Variants in CAMTA2 observed in about 807,000 individuals in gnomAD.
The protein encoded by CAMTA2 is calmodulin-binding transcription activator 2.
CAMTA2 carries 56 observed loss-of-function variants against 135.7 expected under a neutral mutation model. That is an observed-to-expected ratio of 0.41 (90% CI 0.33 to 0.52). CAMTA2 has a LOEUF of 0.52. CAMTA2 is among the 20% of genes least tolerant of loss of function. The pLI, the probability that CAMTA2 is intolerant of heterozygous loss-of-function variation, is 0.16. For missense variants in CAMTA2, 1,358 were observed against 1,553.4 expected, an observed-to-expected ratio of 0.87 and a Z score of 2.11; for synonymous variants, 591 against 604.6, an observed-to-expected ratio of 0.98 and a Z score of 0.33.
chr17:4,969,197 C>A lies in CAMTA2; in HGVS notation c.3423G>T (p.Arg1141Ser). The part of the protein sequence containing the change: ...IQQHYRSYRR[R>S]PGPPHRTSAT... ...CCGAAGTCCGGTGGGGAGGGCCGGG[C>A]CTGCGGCGGTAGGAGCGGTAGTGCT... The change falls in exon 21 of 23, where the codon AGG becomes AGT. Residue 1141 changes from arginine to serine, a missense_variant. By Grantham distance (110) the Arg-to-Ser change is moderately radical (BLOSUM62 -1). This residue lies in a region of CAMTA2 where 167 missense variants were observed against 207.0 expected (regional missense o/e 0.81). Coordinates refer to ENST00000348066, the MANE Select transcript of CAMTA2 (RefSeq NM_015099.4). This position sits in a 1 kb window ranked among gnomAD's most constrained non-coding sequence, Gnocchi z 5.6. 1 of 1,611,708 alleles carries A rather than the reference C, an allele frequency of 6.2e-7. No individual in the cohort carries two copies. The highest frequency in any genetic ancestry group is 1.1e-5 in the South Asian group (1 of 90,998).
Position 4,972,124 on chromosome 17 carries a change from T to C in CAMTA2, c.2808+108A>G, listed in dbSNP as rs558610659. 4 of 917,370 alleles carry C rather than the reference T, an allele frequency of 4.4e-6. No individual in the cohort carries two copies. In the African/African-American group the frequency reaches 6.6e-5, roughly 15 times the overall value. 56.8% of individuals were successfully genotyped at this position (917,370 alleles called of 1,614,324 possible). ...CTTGCCTGTCCCAAAATGAAGTAAATAGGCCCTTCCTAAACTGAAGCCAGA... is the reference window on the plus strand; with the variant it reads ...CTTGCCTGTCCCAAAATGAAGTAAACAGGCCCTTCCTAAACTGAAGCCAGA... On this transcript the variant is annotated intron_variant, in intron 16 of 22. Transcript: ENST00000348066.
rs1220015859 is a variant in CAMTA2, at chr17:4,970,069, G to C, written c.3022C>G (p.Arg1008Gly). Residue 1008 changes from arginine to glycine, a missense_variant, in exon 18 of 23, where the codon CGA becomes GGA. Around this residue, in one of 4 missense-constraint regions of CAMTA2, gnomAD observed 1,077 missense variants for 1,127.5 expected, o/e 0.96. Transcript: ENST00000348066. ...STPPSELPFE[R>G]GRLAVPSAPS... The stretch of plus-strand genomic sequence containing the variant: ...GCTGAAGGGACAGCCAGGCGACCTC[G>C]CTCAAAGGGCAGTTCGCTGTAGGCG... The C allele has an allele frequency of 1.2e-6, 2 of 1,613,956 alleles. No homozygotes were observed. The highest frequency in any genetic ancestry group is 8.5e-7 in the Non-Finnish European group (1 of 1,179,990).
intron 11 of CAMTA2, 96 bp downstream of exon 11, chr17:4,976,962 C>A: frequency 8.4e-7 from 1 of 1,194,494 alleles, no homozygotes; most frequent in South Asian, 1.7e-5. Flanking sequence ...AAAGTGGGGG[C>A]TCAGTGATGG....
Position 4,980,593 on chromosome 17 carries a change from G to A in CAMTA2, c.729C>T (p.Ser243=), listed in dbSNP as rs151218090. 1,258 of 1,614,060 alleles carry A rather than the reference G, an allele frequency of 7.8e-4. 7 individuals carry two copies. Among genetic ancestry groups the A allele is most frequent in the Non-Finnish European group, 9.3e-4 (1,100 of 1,179,976 alleles). The change falls in exon 9 of 23, where the codon AGC becomes AGT. Residue 243 remains serine (S), a synonymous_variant. Transcript: ENST00000348066. This position sits in a 1 kb window ranked among gnomAD's most constrained non-coding sequence, Gnocchi z 5.3. Reference sequence around the variant, plus strand: ...GAGAGATGATGCGGTGTTTCGTGCTGCTGCATTTGTGGGTAAGGCTCCCAG... The same window carrying A: ...GAGAGATGATGCGGTGTTTCGTGCTACTGCATTTGTGGGTAAGGCTCCCAG... The part of the protein sequence containing the change: ...LGSGSLTHKC[S]STKHRIISPK...
chr17:4,982,367 A>G (rs1196880103), intron 5 of CAMTA2: 4 of 595,664 alleles, frequency 6.7e-6, no homozygotes, highest in Non-Finnish European at 1.2e-5. Context: ...TATAGTGAGG[A>G]CCAGATTTGA....
At chr17:4,987,231 C>T (rs1892858617) in intron 1 of CAMTA2, 1 of 1,340,764 alleles carries the variant, frequency 7.5e-7, no homozygotes. Flanking sequence ...GCTTGGCACT[C>T]TGGGCGGCCC....
chr17:4,987,512 C>G, intron 1 of CAMTA2, 81 bp downstream of exon 1: 2 of 1,426,632 alleles, frequency 1.4e-6, no homozygotes, highest in Non-Finnish European at 1.8e-6. Context: ...GTCCCTGGCG[C>G]GGCGCTCCGC....
chr17:4,982,567 G>A (rs1277099633), intron 5 of CAMTA2, among the ~76,000 whole-genome samples, 190 bp downstream of exon 5: 2 of 152,254 alleles, frequency 1.3e-5, no homozygotes, highest in Non-Finnish European at 2.9e-5. Context: ...GGATAGTTGA[G>A]TCACGGAGGG....
In CAMTA2 at chr17:4,980,575, G is replaced by T. The variant is rs143524970; in HGVS notation, c.747C>A (p.Ile249=). The change falls in exon 9 of 23, where the codon ATC becomes ATA. Residue 249 remains isoleucine (I), a synonymous_variant. Coordinates refer to ENST00000348066, the MANE Select transcript of CAMTA2 (RefSeq NM_015099.4). This position sits in a 1 kb window ranked among gnomAD's most constrained non-coding sequence, Gnocchi z 5.3. ...THKCSSTKHR[I]ISPKVEPRAL... is the part of the protein sequence containing the mutation. ...CTCGGGGCTCCACTTTGGGAGAGAT[G>T]ATGCGGTGTTTCGTGCTGCTGCATT... 8 of 1,613,918 alleles carry T rather than the reference G, an allele frequency of 5.0e-6. No individual in the cohort carries two copies. In the African/African-American group the frequency reaches 9.4e-5, roughly 19 times the overall value.
intron 1 of CAMTA2, chr17:4,986,982 GC>G (rs1218492037): frequency 4.1e-6 from 6 of 1,473,494 alleles, no homozygotes; most frequent in African/African-American, 1.4e-5. Flanking sequence ...TCCAGCCTGA[GC>G]CCCCCGCCCT....
At chr17:4,971,243 C>G (rs955112355) in intron 16 of CAMTA2, among the ~76,000 whole-genome samples, 1 of 152,172 alleles carries the variant, frequency 6.6e-6, no homozygotes, top group Non-Finnish European at 1.5e-5. Context: ...CCAGCCTTAC[C>G]TCTCCACACA....
intron 1 of CAMTA2, chr17:4,986,638 G>A (rs1597788741): frequency 5.7e-6 from 3 of 522,728 alleles, no homozygotes; most frequent in South Asian, 2.4e-5. Context: ...CAGGCCATCC[G>A]GTCCTTGGAG....
At chr17:4,981,934 CA>C in intron 6 of CAMTA2, 103 bp from the exon 7 acceptor site, 1 of 1,331,282 alleles carries the variant, frequency 7.5e-7, no homozygotes, top group Admixed American at 2.1e-5. Context: ...ACCTCGCCCC[CA>C]ATTTCTGACT....
Position 4,982,752 on chromosome 17 carries a change from C to T in CAMTA2, c.339+5G>A. The stretch of plus-strand genomic sequence containing the variant: ...GAAGATGAGCTGAATATCTGACTCT[C>T]TTACCTCCATGCCCTGGACCTTCAG... On this transcript the variant is annotated splice_donor_5th_base_variant and intron_variant, in intron 5 of 22. Coordinates refer to ENST00000348066, the MANE Select transcript of CAMTA2 (RefSeq NM_015099.4). 8.1e-6 allele frequency: 13 copies of T among 1,613,892 alleles called. No homozygotes were observed. Among genetic ancestry groups the T allele is most frequent in the Non-Finnish European group, 1.1e-5 (13 of 1,179,850 alleles).
intron 1 of CAMTA2, chr17:4,986,877 T>C (rs956112346): frequency 8.4e-6 from 10 of 1,187,244 alleles, no homozygotes; most frequent in African/African-American, 1.5e-5. Flanking sequence ...CAACCCACCC[T>C]CCGGCTGACA....
At chr17:4,986,778 C>A (rs1306056541) in intron 1 of CAMTA2, 2 of 587,320 alleles carry the variant, frequency 3.4e-6, no homozygotes, top group Admixed American at 3.1e-5. Context: ...AAGGGCAGAT[C>A]TGATAACTGA....
intron 11 of CAMTA2, among the ~76,000 whole-genome samples, chr17:4,976,772 C>T (rs985457235): frequency 6.7e-6 from 1 of 150,280 alleles, no homozygotes; most frequent in Admixed American, 6.6e-5. Flanking sequence ...TTGCTCTAGA[C>T]CCTGTCCCTG....
Position 4,980,002 on chromosome 17 carries a change from G to C in CAMTA2, c.1320C>G (p.Asn440Lys). 6.2e-7 allele frequency: 1 copy of C among 1,613,688 alleles called. No individual in the cohort carries two copies. Among genetic ancestry groups the C allele is most frequent in the Non-Finnish European group, 8.5e-7 (1 of 1,179,980 alleles). The change falls in exon 9 of 23, where the codon AAC (asparagine) becomes AAG (lysine). Residue 440 changes from asparagine (N) to lysine (K), a missense_variant. Coordinates refer to ENST00000348066, the MANE Select transcript of CAMTA2 (RefSeq NM_015099.4). The surrounding 1 kb of genome is among the most constrained non-coding windows in gnomAD (Gnocchi z 5.3). ...PQSVAGGRRG[N>K]CFFIQDDDSG... is the part of the protein sequence containing the mutation. Reference sequence around the variant, plus strand: ...TGTCATCATCTTGGATGAAGAAGCAGTTTCCTCTTCTCCCACCTGCTACTG... The same window carrying C: ...TGTCATCATCTTGGATGAAGAAGCACTTTCCTCTTCTCCCACCTGCTACTG...
Position 4,986,919 on chromosome 17 carries a change from G to C in CAMTA2, c.-64-633C>G, listed in dbSNP as rs748367911. 5 of 1,490,856 alleles carry C rather than the reference G, an allele frequency of 3.4e-6. No individual in the cohort carries two copies. The South Asian group carries it at 6.0e-5, about 18-fold the overall frequency. 92.4% of individuals were successfully genotyped at this position (1,490,856 alleles called of 1,614,324 possible). A position where few individuals can be genotyped will look rare whatever the true frequency, so the allele number is the denominator to read the frequency against. On this transcript the variant is annotated intron_variant, in intron 1 of 22. Coordinates refer to ENST00000348066, the MANE Select transcript of CAMTA2 (RefSeq NM_015099.4). ...TCTACGTAGCTCCCTCTCCCCAAAC[G>C]CCTCTGCCTCCCCTGGCCTCCAGGC... is the stretch of plus-strand genomic sequence containing the variant.
Sources: gnomAD v4.1 joint callset for allele counts (sites outside exome capture counted in the v4.1 genomes callset) on GRCh38, gnomAD v4.1.1 for gene constraint, gnomAD v4.1.1 regional missense constraint, Gnocchi (gnomAD v3.1) non-coding constraint, MANE v1.5 for transcripts, NCBI Gene and HGNC (gene_info 2026-07-23, HGNC 2026-07-21) for gene names.